The following MAGI2 variants were observed in gnomAD, a reference collection of about 807,000 sequenced individuals.
MAGI2 encodes the protein membrane associated guanylate kinase, WW and PDZ domain containing 2.
MAGI2 carries 35 observed loss-of-function variants against 133.3 expected under a neutral mutation model. The observed-to-expected ratio is 0.26, with a 90% CI of 0.20 to 0.35. The LOEUF (loss-of-function observed/expected upper bound fraction) is 0.35, where lower values mean the gene tolerates loss of function less well. Ranked by LOEUF, MAGI2 falls within the 10% of genes least tolerant of loss-of-function variation. The pLI is 1.00. For synonymous variants in MAGI2, 729 were observed against 710.6 expected, an observed-to-expected ratio of 1.03 and a Z score of -0.41; for missense variants, 1,636 against 1,863.4, an observed-to-expected ratio of 0.88 and a Z score of 2.25.
intron 1 of MAGI2, among the ~76,000 whole-genome samples, chr7:79,023,516 A>T (rs1011121802): frequency 2.0e-5 from 3 of 152,188 alleles, no homozygotes; most frequent in African/African-American, 7.2e-5. Flanking sequence ...AATAAAAGAC[A>T]TTCAAATAGA....
At chr7:78,415,333 A>G (rs1170028152) in intron 6 of MAGI2, among the ~76,000 whole-genome samples, 1 of 152,020 alleles carries the variant, frequency 6.6e-6, no homozygotes, top group Non-Finnish European at 1.5e-5. Context: ...AGAAGGCATC[A>G]AAATAGGACA....
At chr7:78,466,347 A>G (rs1276080802) in intron 6 of MAGI2, among the ~76,000 whole-genome samples, 1 of 152,224 alleles carries the variant, frequency 6.6e-6, no homozygotes, top group East Asian at 1.9e-4. Flanking sequence ...TTGCACTGGA[A>G]GTGCCTCACT....
At chr7:79,286,995 C>G (rs1372102190) in intron 1 of MAGI2, among the ~76,000 whole-genome samples, 1 of 152,030 alleles carries the variant, frequency 6.6e-6, no homozygotes, top group Non-Finnish European at 1.5e-5. Flanking sequence ...TGAGATTACC[C>G]AGGAAGGTTG....
intron 1 of MAGI2, among the ~76,000 whole-genome samples, chr7:79,197,775 G>C (rs1451698119): frequency 6.6e-6 from 1 of 151,996 alleles, no homozygotes; most frequent in Admixed American, 6.6e-5. Flanking sequence ...CTTCAGGGAA[G>C]GCACTTTGTT....
At chr7:78,272,251 T>G (rs2150988483) in intron 9 of MAGI2, among the ~76,000 whole-genome samples, 1 of 152,314 alleles carries the variant, frequency 6.6e-6, no homozygotes, top group Non-Finnish European at 1.5e-5. Context: ...AGTTGTGTGG[T>G]TTTGAATGAG....
chr7:78,779,270 C>T (rs187895726), intron 2 of MAGI2, among the ~76,000 whole-genome samples: 1 of 152,226 alleles, frequency 6.6e-6, no homozygotes, highest in African/African-American at 2.4e-5. Flanking sequence ...CAGGCTTGAT[C>T]ATTGTCCATG....
chr7:79,214,859 A>T (rs904739476), intron 1 of MAGI2, among the ~76,000 whole-genome samples: 9 of 144,664 alleles, frequency 6.2e-5, no homozygotes, highest in Non-Finnish European at 1.4e-4. Context: ...AAATTTATAA[A>T]TATATATTTA....
intron 20 of MAGI2, among the ~76,000 whole-genome samples, chr7:78,086,309 C>T (rs755338826): frequency 3.6e-4 from 53 of 147,712 alleles, no homozygotes; most frequent in Non-Finnish European, 6.8e-4. Flanking sequence ...ACGATCTTGG[C>T]CCAGTGCAAC....
At chr7:78,910,622 A>G (rs1209614112) in intron 2 of MAGI2, among the ~76,000 whole-genome samples, 1 of 152,168 alleles carries the variant, frequency 6.6e-6, no homozygotes, top group Non-Finnish European at 1.5e-5. Context: ...TAACTATTGC[A>G]AGGTTTCAAG....
intron 16 of MAGI2, among the ~76,000 whole-genome samples, chr7:78,155,352 G>A (rs188826751): frequency 6.6e-6 from 1 of 152,262 alleles, no homozygotes; most frequent in East Asian, 1.9e-4. Flanking sequence ...AGTAGCTCAT[G>A]CCTGTAATCC....
chr7:79,279,435 A>G (rs573669420), intron 1 of MAGI2, among the ~76,000 whole-genome samples: 2 of 152,280 alleles, frequency 1.3e-5, no homozygotes, highest in African/African-American at 4.8e-5. Context: ...ACAGAGCCCT[A>G]GAAGAGACGT....
At chr7:78,127,477 T>C (rs926177973) in intron 18 of MAGI2, 61 bp from the exon 19 acceptor site, 4 of 1,319,776 alleles carry the variant, frequency 3.0e-6, no homozygotes, top group African/African-American at 2.9e-5. Flanking sequence ...GCTAGAGTGA[T>C]CACACGGCCT....
chr7:79,441,392 G>A (rs750336647), intron 1 of MAGI2, among the ~76,000 whole-genome samples: 2 of 152,150 alleles, frequency 1.3e-5, no homozygotes, highest in Non-Finnish European at 2.9e-5. Context: ...AGGCATCATG[G>A]ATTTTATATT....
At chr7:78,727,981 G>C (rs1820985117) in intron 2 of MAGI2, among the ~76,000 whole-genome samples, 1 of 152,130 alleles carries the variant, frequency 6.6e-6, no homozygotes, top group South Asian at 2.1e-4. Flanking sequence ...AAGAAATAGA[G>C]AACAGGTATG....
rs1377284627 is a variant in MAGI2, at chr7:78,209,036, C to A, written c.2048-7843G>T. On this transcript the variant is annotated intron_variant, in intron 10 of 21. Transcript: ENST00000354212. ...AGGAGATCGAGACCATCTGGGCTAA[C>A]ACGGTGAAACCCTGTCTCTACTAAA... is the stretch of plus-strand genomic sequence containing the variant. Among the ~76,000 whole-genome samples, 8 of 148,040 alleles carry A rather than the reference C, an allele frequency of 5.4e-5. No homozygotes were observed. The East Asian group carries it at 1.7e-3, about 31-fold the overall frequency.
At chr7:79,287,931 G>A (rs1836147444) in intron 1 of MAGI2, among the ~76,000 whole-genome samples, 1 of 151,898 alleles carries the variant, frequency 6.6e-6, no homozygotes, top group Non-Finnish European at 1.5e-5. Context: ...TATATAAAAT[G>A]TAGAACATTT....
At chr7:78,430,966 C>A (rs567539628) in intron 6 of MAGI2, among the ~76,000 whole-genome samples, 1 of 152,172 alleles carries the variant, frequency 6.6e-6, no homozygotes, top group East Asian at 1.9e-4. Context: ...TACAATTTTG[C>A]ACAGGTTTGC....
intron 2 of MAGI2, among the ~76,000 whole-genome samples, chr7:78,760,184 A>G (rs1202657047): frequency 6.6e-6 from 1 of 152,158 alleles, no homozygotes; most frequent in Non-Finnish European, 1.5e-5. Flanking sequence ...TTTCTCTGAG[A>G]GCACCTGCCT....
intron 16 of MAGI2, among the ~76,000 whole-genome samples, chr7:78,157,433 G>A (rs966382430): frequency 1.3e-5 from 2 of 152,090 alleles, no homozygotes; most frequent in African/African-American, 4.8e-5. Flanking sequence ...TGCACCTATT[G>A]TTTTCCAAAT....
Sources: gnomAD v4.1 joint callset for allele counts (sites outside exome capture counted in the v4.1 genomes callset) on GRCh38, gnomAD v4.1.1 for gene constraint, MANE v1.5 for transcripts, NCBI Gene and HGNC (gene_info 2026-07-23, HGNC 2026-07-21) for gene names.